ALLC: variants seen among roughly 807,000 people sequenced by gnomAD.
ALLC encodes the protein probable inactive allantoicase.
ALLC carries 40 observed loss-of-function variants against 45.0 expected under a neutral mutation model. The observed-to-expected ratio is 0.89, with a 90% confidence interval of 0.69 to 1.16. ALLC has a LOEUF of 1.16. ALLC is among the 50% of genes most tolerant of loss of function. The probability of loss-of-function intolerance (pLI) is 0.00; values close to 1 mark genes in which losing one functional copy is unlikely to be tolerated. For synonymous variants in ALLC, 176 were observed against 178.1 expected (o/e 0.99, Z 0.09); for missense variants, 488 against 493.1 (o/e 0.99, Z 0.10).
At chr2:3,666,452 T>G (rs1393723762) in intron 1 of ALLC, among the ~76,000 whole-genome samples, 1 of 152,188 alleles carries the variant, frequency 6.6e-6, no homozygotes, top group Non-Finnish European at 1.5e-5. Flanking sequence ...GGGGAGCCCG[T>G]GGACTTGGTG....
chr2:3,657,912 G>A (rs182509425), upstream of ALLC, among the ~76,000 whole-genome samples: 989 of 152,350 alleles, frequency 6.5e-3, 9 homozygotes, highest in South Asian at 0.028. Flanking sequence ...AATAGGTGAC[G>A]TCTAGAGATA....
upstream of ALLC, among the ~76,000 whole-genome samples, chr2:3,656,134 C>T (rs1209054901): frequency 6.6e-6 from 1 of 152,228 alleles, no homozygotes; most frequent in Admixed American, 6.5e-5. Flanking sequence ...GGGAGGAGCC[C>T]GTCCAGGCAG....
At chr2:3,701,775 C>T (rs1181651410) in intron 11 of ALLC, 139 bp downstream of exon 11, 6 of 1,067,198 alleles carry the variant, frequency 5.6e-6, no homozygotes, top group Non-Finnish European at 6.3e-6. Context: ...CCCCTATCTG[C>T]AAACTTTAAG....
chr2:3,665,300 T>C (rs1666676410), intron 1 of ALLC, among the ~76,000 whole-genome samples: 1 of 152,050 alleles, frequency 6.6e-6, no homozygotes, highest in Admixed American at 6.5e-5. Flanking sequence ...AGTACTGAGT[T>C]GAAGTGTTTT....
At chr2:3,699,491 G>A (rs1314545319) in intron 10 of ALLC, among the ~76,000 whole-genome samples, 1 of 152,170 alleles carries the variant, frequency 6.6e-6, no homozygotes, top group Non-Finnish European at 1.5e-5. Context: ...ATGGCAGAAT[G>A]ATTTATATTC....
At chr2:3,688,918 T>G (rs1006192303) in intron 7 of ALLC, 1 of 185,158 alleles carries the variant, frequency 5.4e-6, no homozygotes, top group African/African-American at 2.3e-5. Flanking sequence ...TTGCCAGAGC[T>G]AAAAGCAGCC....
At chr2:3,673,873 G>T (rs941110299) in intron 2 of ALLC, among the ~76,000 whole-genome samples, 1 of 152,172 alleles carries the variant, frequency 6.6e-6, no homozygotes, top group African/African-American at 2.4e-5. Context: ...AAAAAAGGGT[G>T]GGAAGAGAAG....
Position 3,680,086 on chromosome 2 carries a change from C to A in ALLC, c.298+92C>A. 6.4e-7 allele frequency: 1 copy of A among 1,559,172 alleles called. No individual in the cohort carries two copies. The stretch of plus-strand genomic sequence containing the variant: ...GCCCCACAACTGCTCACTTTCCCTA[C>A]CACCCAGACAGCTTCAGGCGCTTGA... On this transcript the variant is annotated intron_variant, in intron 5 of 11. Coordinates refer to ENST00000252505, the MANE Select transcript of ALLC (RefSeq NM_018436.4). This position sits in a 1 kb window ranked among gnomAD's most constrained non-coding sequence, Gnocchi z 4.0.
chr2:3,646,532 T>G, the ALLC span, among the ~76,000 whole-genome samples: 3 of 152,194 alleles, frequency 2.0e-5, no homozygotes, highest in Non-Finnish European at 2.9e-5. Flanking sequence ...GTCCCTGGTT[T>G]GTTTGGATGG....
chr2:3,696,285 G>A lies in ALLC; in HGVS notation c.678G>A (p.Gly226=). The change falls in exon 9 of 12, where the codon GGG becomes GGA. Residue 226 remains glycine, a synonymous_variant. Coordinates refer to ENST00000252505, the MANE Select transcript of ALLC (RefSeq NM_018436.4). ...GHPNNIIGVG[G]AKSMADGWET... The stretch of plus-strand genomic sequence containing the variant: ...TGTTATTTTCTGTAGGAGTTGGCGG[G>A]GCAAAGTCTATGGCGGATGGTTGGG... 1 of 1,613,060 alleles carries A rather than the reference G, an allele frequency of 6.2e-7. No individual in the cohort carries two copies. The highest frequency in any genetic ancestry group is 8.5e-7 in the Non-Finnish European group (1 of 1,179,506).
upstream of ALLC, among the ~76,000 whole-genome samples, chr2:3,656,387 GGTCCACAGGAC>G: frequency 6.6e-6 from 1 of 152,314 alleles, no homozygotes; most frequent in Non-Finnish European, 1.5e-5. Flanking sequence ...CCCACAGATG[GGTCCACAGGAC>G]GTCTGCTGTG....
chr2:3,647,831 T>G, the ALLC span, among the ~76,000 whole-genome samples: 5 of 152,192 alleles, frequency 3.3e-5, no homozygotes, highest in Admixed American at 1.3e-4. Context: ...GTCTCAGCCT[T>G]CACTCTCGCA....
chr2:3,685,390 G>A (rs1667308579), intron 7 of ALLC, among the ~76,000 whole-genome samples: 1 of 150,906 alleles, frequency 6.6e-6, no homozygotes, highest in African/African-American at 2.4e-5. Context: ...GGCAGAAAGA[G>A]AAGGCGAAGC....
intron 2 of ALLC, 78 bp from the exon 3 acceptor site, chr2:3,673,997 A>C (rs1272712894): frequency 2.6e-5 from 29 of 1,097,140 alleles, no homozygotes; most frequent in Non-Finnish European, 3.7e-5. Flanking sequence ...TCATCTCATA[A>C]TGTTTCACTA....
intron 3 of ALLC, among the ~76,000 whole-genome samples, chr2:3,677,788 A>G (rs990647189): frequency 2.0e-5 from 3 of 152,178 alleles, no homozygotes; most frequent in African/African-American, 7.2e-5. Flanking sequence ...GTAACGTAAG[A>G]TCCTCCTTGC....
intron 7 of ALLC, among the ~76,000 whole-genome samples, chr2:3,690,324 TCCCCTCCCCCCTCCC>T (rs1667460385): frequency 1.6e-3 from 1 of 640 alleles, no homozygotes; most frequent in African/African-American, 8.9e-3. Flanking sequence ...CCCTCCCCCC[TCCCCTCCCCCCTCCC>T]CTCCCCCCTC....
At chr2:3,647,062 C>T in the ALLC span, among the ~76,000 whole-genome samples, 3 of 152,116 alleles carry the variant, frequency 2.0e-5, no homozygotes, top group Non-Finnish European at 4.4e-5. Flanking sequence ...CCTCAGCCCC[C>T]GCACCCCTCA....
rs369963563 is a variant in ALLC, at chr2:3,696,278, T to C, written c.671T>C (p.Val224Ala). 1.4e-5 allele frequency: 22 copies of C among 1,612,120 alleles called. No homozygotes were observed. Among genetic ancestry groups the C allele is most frequent in the African/African-American group, 8.0e-5 (6 of 74,806 alleles). ...TCAACAATGTTATTTTCTGTAGGAG[T>C]TGGCGGGGCAAAGTCTATGGCGGAT... ...KFGHPNNIIG[V>A]GGAKSMADGW... Residue 224 changes from valine (V) to alanine (A), a missense_variant, in exon 9 of 12, where the codon GTT (valine) becomes GCT (alanine). Val to Ala is a moderately conservative substitution (Grantham distance 64). Coordinates refer to ENST00000252505, the MANE Select transcript of ALLC (RefSeq NM_018436.4).
intron 4 of ALLC, 70 bp from the exon 5 acceptor site, chr2:3,679,799 G>A (rs1489676174): frequency 1.9e-6 from 3 of 1,594,692 alleles, no homozygotes; most frequent in African/African-American, 1.3e-5. Flanking sequence ...CATGTGGGGT[G>A]CACTGCCTCG....
Sources: gnomAD v4.1 joint callset for allele counts (sites outside exome capture counted in the v4.1 genomes callset) on GRCh38, gnomAD v4.1.1 for gene constraint, Gnocchi (gnomAD v3.1) non-coding constraint, MANE v1.5 for transcripts, NCBI Gene and HGNC (gene_info 2026-07-23, HGNC 2026-07-21) for gene names.